Variants in ARHGEF4 observed in about 807,000 individuals in gnomAD.
ARHGEF4 encodes the protein Rho guanine nucleotide exchange factor 4.
Under a neutral mutation model 162.0 loss-of-function variants are expected in ARHGEF4, and 119 were observed. The observed-to-expected ratio is 0.73, with a 90% CI of 0.63 to 0.86. The LOEUF (loss-of-function observed/expected upper bound fraction) is 0.86. Among genes scored for constraint, ARHGEF4 ranks in the 40% least tolerant of loss-of-function variants. The pLI, the probability that ARHGEF4 is intolerant of heterozygous loss-of-function variation, is 0.00. For synonymous variants in ARHGEF4, 1,014 were observed against 979.9 expected, an observed-to-expected ratio of 1.03 and a Z score of -0.65; for missense variants, 2,488 against 2,456.0, an observed-to-expected ratio of 1.01 and a Z score of -0.28.
chr2:131,039,628 C>T (rs1185261716), intron 6 of ARHGEF4: 1 of 1,133,148 alleles, frequency 8.8e-7, no homozygotes, highest in Admixed American at 4.8e-5. Flanking sequence ...CCACTCCGCA[C>T]CCTAAGCCTT....
intron 2 of ARHGEF4, among the ~76,000 whole-genome samples, chr2:130,921,702 T>C (rs2105073775): frequency 6.6e-6 from 1 of 152,260 alleles, no homozygotes; most frequent in African/African-American, 2.4e-5. Context: ...CTTTTGTTTT[T>C]GTTTTTTGAG....
chr2:130,907,275 C>T (rs1205700653), intron 1 of ARHGEF4, among the ~76,000 whole-genome samples: 2 of 138,066 alleles, frequency 1.4e-5, no homozygotes, highest in East Asian at 4.5e-4. Flanking sequence ...AGTGCAGTGG[C>T]ACGATCTGGG....
chr2:130,938,813 T>G (rs996940294), intron 3 of ARHGEF4, among the ~76,000 whole-genome samples: 1 of 152,222 alleles, frequency 6.6e-6, no homozygotes, highest in Non-Finnish European at 1.5e-5. Context: ...AACTCTTCAG[T>G]GACCCCTAAG....
rs1320068013 is a variant in ARHGEF4 at position 131,011,900 on chromosome 2, G to A, written c.3986-16045G>A. On this transcript the variant is annotated intron_variant, in intron 4 of 13. Transcript: ENST00000409359. ...CGGCGGAGGGGCAGAGATGGGACCTGCACTGGAGGTACGTGGTGGACAGAT... is the reference window on the plus strand; with the variant it reads ...CGGCGGAGGGGCAGAGATGGGACCTACACTGGAGGTACGTGGTGGACAGAT... The A allele has an allele frequency of 1.3e-5, 9 of 702,888 alleles. No homozygotes were observed. In the African/African-American group the frequency reaches 1.4e-4, roughly 11 times the overall value. The allele number at this position is 702,888 out of a possible 1,614,324, so 43.5% of individuals were successfully genotyped here. A position where few individuals can be genotyped will look rare whatever the true frequency, so the allele number is the denominator to read the frequency against.
chr2:130,909,326 G>A (rs929599579), intron 1 of ARHGEF4, among the ~76,000 whole-genome samples: 10 of 152,162 alleles, frequency 6.6e-5, no homozygotes, highest in African/African-American at 1.4e-4. Context: ...TGTGGAACAC[G>A]GGTCAGCAAT....
chr2:131,015,261 A>C (rs1487947962), intron 4 of ARHGEF4, among the ~76,000 whole-genome samples: 1 of 152,236 alleles, frequency 6.6e-6, no homozygotes, highest in Admixed American at 6.5e-5. Context: ...CTGTTGCCAA[A>C]GGAACAAAGC....
chr2:130,890,064 G>C (rs1427398339), intron 1 of ARHGEF4, among the ~76,000 whole-genome samples: 1 of 151,988 alleles, frequency 6.6e-6, no homozygotes, highest in African/African-American at 2.4e-5. Flanking sequence ...GTTTGTTTAG[G>C]GGTGGATTTC....
chr2:131,046,074 A>T lies in ARHGEF4; in HGVS notation c.5516A>T (p.His1839Leu). The T allele has an allele frequency of 6.2e-7, 1 of 1,612,660 alleles. No homozygotes were observed. The highest frequency in any genetic ancestry group is 8.5e-7 in the Non-Finnish European group (1 of 1,179,728). The change falls in exon 14 of 14, where the codon CAC becomes CTC. Residue 1839 changes from histidine to leucine, a missense_variant. Physicochemically the swap from His to Leu is moderately conservative, Grantham distance 99. This residue lies in a region of ARHGEF4 where 415 missense variants were observed against 512.4 expected (regional missense o/e 0.81). Coordinates refer to ENST00000409359, the MANE Select transcript of ARHGEF4 (RefSeq NM_001367493.1). ...CCCTGCTACCTGACGCGCCAGAAGC[A>T]CCCAGCCCTGCCCAGCAACCGGCCC... ...GRPCYLTRQK[H>L]PALPSNRPQQ...
intron 1 of ARHGEF4, among the ~76,000 whole-genome samples, chr2:130,868,655 A>G (rs1241307538): frequency 6.6e-6 from 1 of 152,200 alleles, no homozygotes; most frequent in Non-Finnish European, 1.5e-5. Flanking sequence ...CAAACATTCT[A>G]GGGTGGTCAG....
At chr2:130,987,548 G>A (rs1478199703) in intron 4 of ARHGEF4, among the ~76,000 whole-genome samples, 1 of 152,194 alleles carries the variant, frequency 6.6e-6, no homozygotes, top group Non-Finnish European at 1.5e-5. Flanking sequence ...TCCTATCGGA[G>A]TGCCCTTTTT....
In ARHGEF4 at chr2:130,916,497, G is replaced by T; in HGVS notation, c.2551G>T (p.Gly851Trp). ...AGRDAPPLHHGDASAWPEFVP... is the reference protein window; with the variant it reads ...AGRDAPPLHHWDASAWPEFVP... ...TCGGGACGCACCGCCTCTGCACCAC[G>T]GGGACGCCAGCGCCTGGCCCGAGTT... Residue 851 changes from glycine (G) to tryptophan (W), a missense_variant, in exon 2 of 14, where the codon GGG becomes TGG. By Grantham distance (184) the Gly-to-Trp change is radical. This residue lies in a region of ARHGEF4 where 1,642 missense variants were observed against 1,481.5 expected (regional missense o/e 1.11). Transcript: ENST00000409359. The T allele has an allele frequency of 6.5e-7, 1 of 1,547,766 alleles. No homozygotes were observed. Among genetic ancestry groups the T allele is most frequent in the Non-Finnish European group, 8.7e-7 (1 of 1,146,676 alleles).
intron 4 of ARHGEF4, among the ~76,000 whole-genome samples, chr2:130,962,979 G>A (rs1203212421): frequency 6.6e-6 from 1 of 152,142 alleles, no homozygotes; most frequent in Non-Finnish European, 1.5e-5. Context: ...GGAGCTTCTG[G>A]GTGGACTCTA....
At position 130,952,274 on chromosome 2, in the gene ARHGEF4, G is replaced by A. The variant is rs78664982; in HGVS notation, c.3985+5639G>A. On this transcript the variant is annotated intron_variant, in intron 4 of 13. Coordinates refer to ENST00000409359, the MANE Select transcript of ARHGEF4 (RefSeq NM_001367493.1). Reference sequence around the variant, plus strand: ...CCTTATTTAGTCTTCATTTTTGAAAGGTTAGCTTTCTGCATAAAGGATTCT... The same window carrying A: ...CCTTATTTAGTCTTCATTTTTGAAAAGTTAGCTTTCTGCATAAAGGATTCT... 3.2e-3 allele frequency among the ~76,000 whole-genome samples: 494 copies of A among 152,102 alleles called. 4 individuals carry two copies. Among genetic ancestry groups the A allele is most frequent in the African/African-American group, 0.011 (471 of 41,476 alleles).
chr2:130,937,965 C>G (rs1175944236), intron 3 of ARHGEF4, among the ~76,000 whole-genome samples: 1 of 152,104 alleles, frequency 6.6e-6, no homozygotes, highest in Non-Finnish European at 1.5e-5. Context: ...CTGCACCCGG[C>G]CTTTGTATCA....
At chr2:130,876,812 A>G (rs1030861648) in intron 1 of ARHGEF4, among the ~76,000 whole-genome samples, 1 of 152,196 alleles carries the variant, frequency 6.6e-6, no homozygotes, top group Non-Finnish European at 1.5e-5. Flanking sequence ...ATGTGGACCC[A>G]GTTCTGGATG....
At chr2:130,885,276 T>C (rs750701224) in intron 1 of ARHGEF4, among the ~76,000 whole-genome samples, 5 of 152,072 alleles carry the variant, frequency 3.3e-5, no homozygotes, top group Non-Finnish European at 7.3e-5. Flanking sequence ...CAGGGTTGAA[T>C]ACAGGATTGC....
At chr2:130,989,499 A>C (rs2105277596) in intron 4 of ARHGEF4, among the ~76,000 whole-genome samples, 1 of 152,350 alleles carries the variant, frequency 6.6e-6, no homozygotes, top group South Asian at 2.1e-4. Context: ...AAACAATAGA[A>C]GCATTTCATA....
At chr2:130,965,224 C>G (rs1382263286) in intron 4 of ARHGEF4, among the ~76,000 whole-genome samples, 1 of 152,172 alleles carries the variant, frequency 6.6e-6, no homozygotes, top group Non-Finnish European at 1.5e-5. Context: ...ATGTGGAGCA[C>G]AGGCCTTGTT....
chr2:130,956,974 C>G (rs1295915558), intron 4 of ARHGEF4, among the ~76,000 whole-genome samples: 1 of 151,576 alleles, frequency 6.6e-6, no homozygotes, highest in East Asian at 1.9e-4. Context: ...TTAAAAAAAG[C>G]CAATAAATAA....
Sources: gnomAD v4.1 joint callset for allele counts (sites outside exome capture counted in the v4.1 genomes callset) on GRCh38, gnomAD v4.1.1 for gene constraint, gnomAD v4.1.1 regional missense constraint, MANE v1.5 for transcripts, NCBI Gene and HGNC (gene_info 2026-07-23, HGNC 2026-07-21) for gene names.